SLC35A5: variants seen among roughly 807,000 people sequenced by gnomAD.
SLC35A5 encodes solute carrier family 35 member A5.
In SLC35A5, 28 loss-of-function variants were observed where a neutral mutation model predicts 36.3. The observed-to-expected ratio is 0.77, with a 90% CI of 0.57 to 1.06. The LOEUF (loss-of-function observed/expected upper bound fraction) is 1.06, where lower values mean the gene tolerates loss of function less well. SLC35A5 is among the 50% of genes least tolerant of loss of function. The pLI is 0.00. For missense variants in SLC35A5, 521 were observed against 499.3 expected (o/e 1.04, Z -0.41); for synonymous variants, 180 against 173.7 (o/e 1.04, Z -0.29).
chr3:112,583,188 T>C lies in SLC35A5; in HGVS notation c.*452T>C, dbSNP rs1935010821. On this transcript the variant is annotated 3_prime_UTR_variant, in exon 7 of 7. Coordinates refer to ENST00000492406, the MANE Select transcript of SLC35A5 (RefSeq NM_017945.5). ...CTCTTGAATTTTGAGGCCCTAGAGA[T>C]AGTCATTTTGCAAGTAAAGAGCAAC... 1 of 398,010 alleles carries C rather than the reference T, an allele frequency of 2.5e-6. No individual in the cohort carries two copies. Among genetic ancestry groups the C allele is most frequent in the South Asian group, 1.3e-4 (1 of 7,892 alleles). 24.7% of individuals were successfully genotyped at this position (398,010 alleles called of 1,614,324 possible).
chr3:112,584,839 A>G lies in SLC35A5; in HGVS notation c.*2103A>G, dbSNP rs1935084920. 2 of 152,228 alleles carry G rather than the reference A, an allele frequency of 1.3e-5. No homozygotes were observed. The highest frequency in any genetic ancestry group is 2.9e-5 in the Non-Finnish European group (2 of 68,038). The allele number at this position is 152,228 out of a possible 1,614,324, so 9.4% of individuals were successfully genotyped here. ...TAAGAAAATGTGGTACATATACACC[A>G]TGGAATACTTTGCAGCCATAAAAAA... On this transcript the variant is annotated 3_prime_UTR_variant, in exon 7 of 7. Transcript: ENST00000492406.
At chr3:112,564,916 G>T (rs1934126688) in intron 2 of SLC35A5, among the ~76,000 whole-genome samples, 1 of 152,136 alleles carries the variant, frequency 6.6e-6, no homozygotes. Flanking sequence ...CAGGGTTGGG[G>T]GTAAGGTTAC....
At chr3:112,574,629 A>G (rs1480650124) in intron 5 of SLC35A5, among the ~76,000 whole-genome samples, 1 of 151,978 alleles carries the variant, frequency 6.6e-6, no homozygotes, top group African/African-American at 2.4e-5. Flanking sequence ...TTACTTAATG[A>G]TAATGATTAA....
At chr3:112,565,387 AT>A (rs1934150034) in intron 2 of SLC35A5, among the ~76,000 whole-genome samples, 1 of 152,216 alleles carries the variant, frequency 6.6e-6, no homozygotes, top group African/African-American at 2.4e-5. Flanking sequence ...GAACAAGGGG[AT>A]TCAAAACAGA....
intron 5 of SLC35A5, among the ~76,000 whole-genome samples, chr3:112,579,077 C>T (rs554183974): frequency 3.9e-5 from 6 of 152,166 alleles, no homozygotes; most frequent in Non-Finnish European, 8.8e-5. Flanking sequence ...AGGTATGCTG[C>T]TATCTAGGCT....
chr3:112,582,642 C>T lies in SLC35A5; in HGVS notation c.1210-29C>T, dbSNP rs760954061. On this transcript the variant is annotated intron_variant, in intron 6 of 6. Transcript: ENST00000492406. The stretch of plus-strand genomic sequence containing the variant: ...AAAATGCTACATTTCCAGTTTTGTT[C>T]TAATTACTGCTTTCATGTTTCCTTT... The T allele has an allele frequency of 1.9e-6, 3 of 1,581,108 alleles. No individual in the cohort carries two copies. The Admixed American group carries it at 5.1e-5, about 27-fold the overall frequency.
chr3:112,581,716 T>A (rs67204151), intron 6 of SLC35A5, among the ~76,000 whole-genome samples: 10,174 of 152,214 alleles, frequency 0.067, 424 homozygotes, highest in Admixed American at 0.12. Context: ...TTCTCTTTCT[T>A]TTCCACCATA....
rs758184874 is a variant in SLC35A5 at position 112,582,694 on chromosome 3, T to TA, written c.1234dup (p.Thr412AsnfsTer6). On this transcript the variant is annotated frameshift_variant, in exon 7 of 7. Coordinates refer to ENST00000492406, the MANE Select transcript of SLC35A5 (RefSeq NM_017945.5). LOFTEE classifies it high-confidence loss of function. ...AGGATGGAGAAGAACTAGAAAGACT[T>TA]ACCAAACCCAAGAGTGATGAGTCAG... 2 of 1,612,810 alleles carry TA rather than the reference T, an allele frequency of 1.2e-6. No individual in the cohort carries two copies. The highest frequency in any genetic ancestry group is 2.2e-5 in the East Asian group (1 of 44,792).
At chr3:112,574,782 T>C (rs1318045222) in intron 5 of SLC35A5, among the ~76,000 whole-genome samples, 1 of 152,066 alleles carries the variant, frequency 6.6e-6, no homozygotes, top group Non-Finnish European at 1.5e-5. Flanking sequence ...GGTACAAAGA[T>C]TTAATTTGTT....
intron 2 of SLC35A5, among the ~76,000 whole-genome samples, chr3:112,568,917 G>A (rs961647053): frequency 1.3e-5 from 2 of 152,146 alleles, no homozygotes; most frequent in Admixed American, 6.6e-5. Flanking sequence ...CCTCCTTAAT[G>A]TATTAGCAAC....
At chr3:112,570,449 A>C (rs1189595039) in intron 3 of SLC35A5, 91 bp from the exon 4 acceptor site, 36 of 1,388,114 alleles carry the variant, frequency 2.6e-5, no homozygotes, top group Non-Finnish European at 3.5e-5. Flanking sequence ...AGCTCCCTTT[A>C]AAGAATTGTA....
In SLC35A5 at chr3:112,568,135, A is replaced by G. The variant is rs551385163; in HGVS notation, c.131-1036A>G. Among the ~76,000 whole-genome samples, 33 of 152,316 alleles carry G rather than the reference A, an allele frequency of 2.2e-4. 1 individual carries two copies. In the South Asian group the frequency reaches 6.2e-3, roughly 29 times the overall value. The stretch of plus-strand genomic sequence containing the variant: ...TTCCATTTCACTTCACACACTTCCA[A>G]TGAGACAAGTAGGGCCACAGAGGTT... On this transcript the variant is annotated intron_variant, in intron 2 of 6. Coordinates refer to ENST00000492406, the MANE Select transcript of SLC35A5 (RefSeq NM_017945.5).
At chr3:112,570,269 C>T (rs575224967) in intron 3 of SLC35A5, among the ~76,000 whole-genome samples, 2 of 151,352 alleles carry the variant, frequency 1.3e-5, no homozygotes, top group Non-Finnish European at 2.9e-5. Flanking sequence ...TATGCTCTTA[C>T]AGCAGCAAGA....
At chr3:112,561,546 G>A (rs1363530033), upstream of SLC35A5, 2 of 1,599,840 alleles carry the variant, frequency 1.3e-6, no homozygotes, top group Non-Finnish European at 1.7e-6. Context: ...CCGGAGTAGC[G>A]GCCGGCCCCG....
Position 112,585,433 on chromosome 3 carries a change from ATGTATTGGGTACAATG to A in SLC35A5, c.*2699_*2714del, listed in dbSNP as rs926320153. The A allele has an allele frequency of 1.3e-5, 2 of 152,154 alleles. No homozygotes were observed. Among genetic ancestry groups the A allele is most frequent in the African/African-American group, 4.8e-5 (2 of 41,416 alleles). The allele number at this position is 152,154 out of a possible 1,614,324, so 9.4% of individuals were successfully genotyped here. On this transcript the variant is annotated 3_prime_UTR_variant, in exon 7 of 7. Transcript: ENST00000492406. ...GGAAGGACATGAGGGTTGACAAAAT[ATGTATTGGGTACAATG>A]TTCACTGTTTGAGTGATGGGTCCAC...
rs1559866491 is a variant in SLC35A5, at chr3:112,583,250, A to G, written c.*514A>G. On this transcript the variant is annotated 3_prime_UTR_variant, in exon 7 of 7. Coordinates refer to ENST00000492406, the MANE Select transcript of SLC35A5 (RefSeq NM_017945.5). ...TAAAAACGTTGGTTGAAGGACCTAA[A>G]TACCTGGCCATACCATAGATTTGGG... 1 of 396,480 alleles carries G rather than the reference A, an allele frequency of 2.5e-6. No homozygotes were observed. Among genetic ancestry groups the G allele is most frequent in the East Asian group, 3.6e-5 (1 of 28,004 alleles). The allele number at this position is 396,480 out of a possible 1,614,324, so 24.6% of individuals were successfully genotyped here. A position where few individuals can be genotyped will look rare whatever the true frequency, so the allele number is the denominator to read the frequency against.
In SLC35A5 at chr3:112,568,940, A is replaced by G. The variant is rs972790251; in HGVS notation, c.131-231A>G. Among the ~76,000 whole-genome samples the G allele has an allele frequency of 5.9e-5, 9 of 152,350 alleles. 1 individual carries two copies. The highest frequency in any genetic ancestry group is 2.2e-4 in the African/African-American group (9 of 41,584). Reference sequence around the variant, plus strand: ...ATGTATTAGCAACTTGGATGAAGACATGAGAGGCTGTTTAACAAATTCAAG... The same window carrying G: ...ATGTATTAGCAACTTGGATGAAGACGTGAGAGGCTGTTTAACAAATTCAAG... On this transcript the variant is annotated intron_variant, in intron 2 of 6. Transcript: ENST00000492406.
intron 5 of SLC35A5, 106 bp from the exon 6 acceptor site, chr3:112,580,440 T>C: frequency 7.8e-7 from 1 of 1,278,074 alleles, no homozygotes. Context: ...TAGCAAAAAC[T>C]GGGTCCAGTT....
intron 4 of SLC35A5, among the ~76,000 whole-genome samples, chr3:112,573,139 C>T (rs1934519628): frequency 6.6e-6 from 1 of 151,832 alleles, no homozygotes; most frequent in Non-Finnish European, 1.5e-5. Context: ...GGTTTAATCA[C>T]CTTAAAGTGA....
Sources: gnomAD v4.1 joint callset for allele counts (sites outside exome capture counted in the v4.1 genomes callset) on GRCh38, gnomAD v4.1.1 for gene constraint, MANE v1.5 for transcripts, NCBI Gene and HGNC (gene_info 2026-07-23, HGNC 2026-07-21) for gene names.